ABL2: variants seen among roughly 807,000 people sequenced by gnomAD.
The protein encoded by ABL2 is ABL proto-oncogene 2, non-receptor tyrosine kinase, also known as tyrosine-protein kinase ABL2.
A neutral mutation model predicts 107.7 loss-of-function variants in ABL2; 49 were observed. The observed-to-expected ratio is 0.45, with a 90% CI of 0.36 to 0.58. ABL2 has a LOEUF of 0.58. Among genes scored for constraint, ABL2 ranks in the 20% least tolerant of loss-of-function variants. ABL2 has a pLI of 0.00. For synonymous variants in ABL2, 549 were observed against 548.6 expected, an observed-to-expected ratio of 1.00 and a Z score of -0.01; for missense variants, 1,245 against 1,457.0, an observed-to-expected ratio of 0.85 and a Z score of 2.37.
At chr1:179,205,620 G>C (rs979090945) in intron 1 of ABL2, among the ~76,000 whole-genome samples, 1 of 152,242 alleles carries the variant, frequency 6.6e-6, no homozygotes, top group African/African-American at 2.4e-5. Context: ...ACCTCCTTTG[G>C]GGGGTCTGAG....
intron 1 of ABL2, among the ~76,000 whole-genome samples, chr1:179,162,050 A>C (rs908652710): frequency 5.3e-5 from 8 of 152,246 alleles, no homozygotes; most frequent in African/African-American, 1.4e-4. Context: ...CTGAGAAATG[A>C]ATTTCTGTTC....
intron 1 of ABL2, among the ~76,000 whole-genome samples, chr1:179,165,790 C>T (rs1659340060): frequency 7.3e-6 from 1 of 136,580 alleles, no homozygotes; most frequent in African/African-American, 2.7e-5. Flanking sequence ...CAGCCAGACA[C>T]AAGACTTTAT....
chr1:179,214,958 G>C (rs1209354027), intron 1 of ABL2, among the ~76,000 whole-genome samples: 2 of 152,112 alleles, frequency 1.3e-5, no homozygotes, highest in Non-Finnish European at 2.9e-5. Flanking sequence ...TCAGGAGTTT[G>C]AGACCAGACT....
chr1:179,117,283 A>AT (rs923442083), intron 8 of ABL2, 49 bp downstream of exon 8: 10 of 1,520,618 alleles, frequency 6.6e-6, no homozygotes, highest in East Asian at 2.3e-5. Flanking sequence ...CAAGGCATTT[A>AT]TAAAAAAAAA....
chr1:179,215,000 A>G (rs1341192501), intron 1 of ABL2, among the ~76,000 whole-genome samples: 1 of 152,024 alleles, frequency 6.6e-6, no homozygotes, highest in Non-Finnish European at 1.5e-5. Flanking sequence ...TCTCTACTAA[A>G]AATACGAAAA....
chr1:179,129,669 G>A (rs1402950827), intron 3 of ABL2, among the ~76,000 whole-genome samples: 12 of 147,638 alleles, frequency 8.1e-5, no homozygotes, highest in Admixed American at 6.1e-4. Flanking sequence ...GTGACAGAGC[G>A]AGACTCTGTC....
intron 1 of ABL2, among the ~76,000 whole-genome samples, chr1:179,145,749 T>C (rs191419008): frequency 6.6e-6 from 1 of 152,278 alleles, no homozygotes; most frequent in African/African-American, 2.4e-5. Context: ...TGGCTACTGT[T>C]ACGGAAGTCA....
intron 1 of ABL2, among the ~76,000 whole-genome samples, chr1:179,154,221 G>A (rs916687920): frequency 6.6e-6 from 1 of 152,134 alleles, no homozygotes; most frequent in Non-Finnish European, 1.5e-5. Context: ...AGTTCCCCAA[G>A]TCAAATAGCT....
At chr1:179,111,931 G>A (rs757173662) in intron 10 of ABL2, among the ~76,000 whole-genome samples, 2 of 151,978 alleles carry the variant, frequency 1.3e-5, no homozygotes, top group Non-Finnish European at 2.9e-5. Context: ...TGCAATCCCA[G>A]CTACTCAGGA....
intron 7 of ABL2, 23 bp downstream of exon 7, chr1:179,118,564 G>A: frequency 6.3e-7 from 1 of 1,596,292 alleles, no homozygotes; most frequent in Non-Finnish European, 8.6e-7. Flanking sequence ...CTTCATGGTT[G>A]GTCAGAGGTA....
At chr1:179,221,792 C>CAA in intron 1 of ABL2, 1 of 180,922 alleles carries the variant, frequency 5.5e-6, no homozygotes, top group East Asian at 1.6e-4. Flanking sequence ...GAGGATTTTA[C>CAA]CAAAAAAAAA....
chr1:179,170,851 TC>T (rs1659678776), intron 1 of ABL2, among the ~76,000 whole-genome samples: 1 of 152,094 alleles, frequency 6.6e-6, no homozygotes, highest in Admixed American at 6.6e-5. Context: ...CGCCTCGGCC[TC>T]CCAAAATGCT....
chr1:179,211,000 T>G (rs1158319167), intron 1 of ABL2, among the ~76,000 whole-genome samples: 1 of 152,134 alleles, frequency 6.6e-6, no homozygotes, highest in East Asian at 1.9e-4. Context: ...TGCTCAGAGC[T>G]GACGCCACCT....
rs1408728156 is a variant in ABL2, at chr1:179,131,337, C to A, written c.365G>T (p.Gly122Val). 1 of 1,613,940 alleles carries A rather than the reference C, an allele frequency of 6.2e-7. No homozygotes were observed. The highest frequency in any genetic ancestry group is 8.5e-7 in the Non-Finnish European group (1 of 1,179,968). Residue 122 changes from glycine (G) to valine (V), a missense_variant, in exon 3 of 12, where the codon GGT becomes GTT. Gly to Val is a moderately radical substitution (Grantham distance 109, BLOSUM62 -3). Transcript: ENST00000502732. Reference sequence around the variant, plus strand: ...TTTAGTGATGCTGAGTGTGTTATCACCACTTGCTACAAAATCATAAAGTGC... The same window carrying A: ...TTTAGTGATGCTGAGTGTGTTATCAACACTTGCTACAAAATCATAAAGTGC... ...FVALYDFVASGDNTLSITKGE... is the reference protein window; with the variant it reads ...FVALYDFVASVDNTLSITKGE...
chr1:179,126,357 T>C lies in ABL2; in HGVS notation c.687+20A>G. 6.2e-7 allele frequency: 1 copy of C among 1,604,366 alleles called. No individual in the cohort carries two copies. Among genetic ancestry groups the C allele is most frequent in the Non-Finnish European group, 8.5e-7 (1 of 1,171,900 alleles). On this transcript the variant is annotated intron_variant, in intron 4 of 11. Transcript: ENST00000502732. The surrounding 1 kb of genome is among the most constrained non-coding windows in gnomAD (Gnocchi z 4.4). The stretch of plus-strand genomic sequence containing the variant: ...AGAGTAGCCAGTCCATGCTTAAAGG[T>C]GGTGACCAGGGAGTCTTACCTTGCC...
At chr1:179,223,100 G>C (rs1367486771) in intron 1 of ABL2, among the ~76,000 whole-genome samples, 6 of 126,770 alleles carry the variant, frequency 4.7e-5, no homozygotes, top group African/African-American at 1.5e-4. Context: ...ACAGAGCAAG[G>C]CTCCCTCTCA....
At position 179,229,266 on chromosome 1, in the gene ABL2, G is replaced by T. The variant is rs1393909650; in HGVS notation, c.132C>A (p.Thr44=). The part of the protein sequence containing the change: ...RRDPAGRTTE[T]GFNIFTQHDH... ...CATGCTGGGTGAAGATATTGAAGCC[G>T]GTCTCTGTGGTGCGCCCCGCCGGGT... Residue 44 remains threonine (T), a synonymous_variant, in exon 1 of 12, where the codon ACC becomes ACA. Transcript: ENST00000502732. 1 of 1,556,530 alleles carries T rather than the reference G, an allele frequency of 6.4e-7. No individual in the cohort carries two copies. Among genetic ancestry groups the T allele is most frequent in the Admixed American group, 1.9e-5 (1 of 52,364 alleles).
intron 1 of ABL2, 74 bp downstream of exon 1, chr1:179,229,167 T>TGCCCCCCCCCCCCCCCCCCCCCCCCCCC: frequency 2.2e-5 from 9 of 402,572 alleles, no homozygotes; most frequent in Non-Finnish European, 2.8e-5. Flanking sequence ...GGGCAGCCCG[T>TGCCCCCCCCCCCCCCCCCCCCCCCCCCC]CCGCCACCCA....
At chr1:179,228,720 A>T (rs1308875892) in intron 1 of ABL2, among the ~76,000 whole-genome samples, 1 of 152,208 alleles carries the variant, frequency 6.6e-6, no homozygotes, top group East Asian at 1.9e-4. Flanking sequence ...CATCTTCCCT[A>T]CAGAAAAGCA....
Sources: gnomAD v4.1 joint callset for allele counts (sites outside exome capture counted in the v4.1 genomes callset) on GRCh38, gnomAD v4.1.1 for gene constraint, Gnocchi (gnomAD v3.1) non-coding constraint, MANE v1.5 for transcripts, NCBI Gene and HGNC (gene_info 2026-07-23, HGNC 2026-07-21) for gene names.